MDFIC: variants seen among roughly 807,000 people sequenced by gnomAD.
MDFIC encodes MyoD family inhibitor domain containing, also known as myoD family inhibitor domain-containing protein.
MDFIC carries 17 observed loss-of-function variants against 23.2 expected under a neutral mutation model. The observed-to-expected ratio is 0.73, with a 90% CI of 0.50 to 1.10. The LOEUF (loss-of-function observed/expected upper bound fraction) is 1.10. MDFIC is among the 50% of genes least tolerant of loss of function. The pLI is 0.00. For missense variants in MDFIC, 356 were observed against 316.6 expected (o/e 1.12, Z -0.95); for synonymous variants, 120 against 115.2 (o/e 1.04, Z -0.27).
intron 4 of MDFIC, among the ~76,000 whole-genome samples, chr7:115,013,219 A>G (rs1158232185): frequency 6.6e-6 from 1 of 152,170 alleles, no homozygotes; most frequent in Non-Finnish European, 1.5e-5. Context: ...ACAATAAAAA[A>G]CAAGGGAAAG....
At chr7:114,939,517 A>G (rs1004585478) in intron 2 of MDFIC, among the ~76,000 whole-genome samples, 1 of 152,206 alleles carries the variant, frequency 6.6e-6, no homozygotes, top group Non-Finnish European at 1.5e-5. Flanking sequence ...TTTGCAGATA[A>G]GGAAACTTTC....
chr7:115,000,505 G>A lies in MDFIC; in HGVS notation c.494-15183G>A, dbSNP rs115895529. Among the ~76,000 whole-genome samples, 751 of 152,034 alleles carry A rather than the reference G, an allele frequency of 4.9e-3. 5 individuals are homozygous for A. The highest frequency in any genetic ancestry group is 0.016 in the African/African-American group (653 of 41,474). On this transcript the variant is annotated intron_variant, in intron 4 of 4. Transcript: ENST00000393486. ...CTAAAAATGCCTGCTCTTGTCCCTC[G>A]GAATCCAAGGCATTCTTTATAGTAA... is the stretch of plus-strand genomic sequence containing the variant.
intron 3 of MDFIC, among the ~76,000 whole-genome samples, chr7:114,949,529 ATGT>A (rs1434033229): frequency 2.0e-5 from 3 of 152,234 alleles, no homozygotes; most frequent in Non-Finnish European, 4.4e-5. Context: ...TTTGCAGATC[ATGT>A]TGTTATATTG....
At chr7:114,989,941 T>C (rs1793576691) in intron 4 of MDFIC, among the ~76,000 whole-genome samples, 1 of 152,160 alleles carries the variant, frequency 6.6e-6, no homozygotes, top group Non-Finnish European at 1.5e-5. Context: ...TCTTATATTT[T>C]ATGTTCATAA....
intron 2 of MDFIC, among the ~76,000 whole-genome samples, chr7:114,937,842 C>A (rs1470081234): frequency 6.6e-6 from 1 of 152,090 alleles, no homozygotes; most frequent in Non-Finnish European, 1.5e-5. Flanking sequence ...GTTCAACTAT[C>A]CTTTAATCTA....
intron 4 of MDFIC, among the ~76,000 whole-genome samples, chr7:114,991,518 AT>A (rs1791160504): frequency 6.6e-6 from 1 of 152,114 alleles, no homozygotes; most frequent in Non-Finnish European, 1.5e-5. Context: ...TCTTGAGTTA[AT>A]TTTTGTATAA....
Position 114,962,789 on chromosome 7 carries a change from A to G in MDFIC, c.218-16717A>G, listed in dbSNP as rs553785204. ...AGATACAAATCAGAGTGATAGTGTCATTTCTAAAATCTGAGCAGATTCATA... is the reference window on the plus strand; with the variant it reads ...AGATACAAATCAGAGTGATAGTGTCGTTTCTAAAATCTGAGCAGATTCATA... On this transcript the variant is annotated intron_variant, in intron 3 of 4. Coordinates refer to ENST00000393486, the MANE Select transcript of MDFIC (RefSeq NM_001166345.3). 4.1e-4 allele frequency among the ~76,000 whole-genome samples: 62 copies of G among 152,362 alleles called. No homozygotes were observed. The South Asian group carries it at 0.012, about 29-fold the overall frequency.
chr7:114,956,431 T>C (rs1201520253), intron 3 of MDFIC, among the ~76,000 whole-genome samples: 1 of 151,928 alleles, frequency 6.6e-6, no homozygotes, highest in East Asian at 1.9e-4. Flanking sequence ...AAAAAAGGCA[T>C]TTTTATTCTT....
intron 2 of MDFIC, 117 bp downstream of exon 2, chr7:114,923,244 T>C: frequency 7.4e-7 from 1 of 1,354,668 alleles, no homozygotes; most frequent in Admixed American, 2.0e-5. Flanking sequence ...CCACTCGTAG[T>C]TGAGAACTTT....
At position 114,972,881 on chromosome 7, in the gene MDFIC, G is replaced by A. The variant is rs563644416; in HGVS notation, c.218-6625G>A. ...GATCCTCCGACCTCAGCCTCTCAAA[G>A]TGCTAGGCTCTGCACCTGGCTCAGA... is the stretch of plus-strand genomic sequence containing the variant. On this transcript the variant is annotated intron_variant, in intron 3 of 4. Coordinates refer to ENST00000393486, the MANE Select transcript of MDFIC (RefSeq NM_001166345.3). Among the ~76,000 whole-genome samples the A allele has an allele frequency of 3.9e-5, 6 of 152,210 alleles. No homozygotes were observed. In the South Asian group the frequency reaches 1.2e-3, roughly 32 times the overall value.
At chr7:114,990,203 A>G (rs961844288) in intron 4 of MDFIC, among the ~76,000 whole-genome samples, 3 of 152,156 alleles carry the variant, frequency 2.0e-5, no homozygotes, top group Non-Finnish European at 4.4e-5. Flanking sequence ...TATAATAAAA[A>G]GGAGTTTTGA....
chr7:115,012,237 G>A (rs924700438), intron 4 of MDFIC, among the ~76,000 whole-genome samples: 3 of 152,106 alleles, frequency 2.0e-5, no homozygotes, highest in African/African-American at 7.2e-5. Context: ...GAAAAAGGAG[G>A]CAACCCAATA....
rs1478037175 is a variant in MDFIC, at chr7:114,923,067, C to T, written c.34C>T (p.Pro12Ser). The T allele has an allele frequency of 1.4e-6, 2 of 1,400,410 alleles. No individual in the cohort carries two copies. Among genetic ancestry groups the T allele is most frequent in the South Asian group, 1.5e-5 (1 of 66,538 alleles). 86.7% of individuals were successfully genotyped at this position (1,400,410 alleles called of 1,614,324 possible). ...CGCGGGCGAAGCCCTCGCTCCCGGG[C>T]CCGTGGGGCCGCAGCGCGTGGCCGA... is the stretch of plus-strand genomic sequence containing the variant. ...SGAGEALAPG[P>S]VGPQRVAEAG... Residue 12 changes from proline (P) to serine (S), a missense_variant, in exon 2 of 5, where the codon CCC becomes TCC. By Grantham distance (74) the Pro-to-Ser change is moderately conservative. Transcript: ENST00000393486.
intron 4 of MDFIC, among the ~76,000 whole-genome samples, chr7:115,003,644 T>C (rs928539454): frequency 3.3e-5 from 5 of 152,210 alleles, no homozygotes; most frequent in African/African-American, 1.2e-4. Flanking sequence ...ATGTTTTACC[T>C]GGTTTCTTTA....
intron 4 of MDFIC, among the ~76,000 whole-genome samples, chr7:114,997,578 A>G (rs1468073516): frequency 2.5e-3 from 3 of 1,216 alleles, no homozygotes; most frequent in South Asian, 0.018. Flanking sequence ...CTCTACAGGA[A>G]AAAAAAAAAA....
intron 3 of MDFIC, among the ~76,000 whole-genome samples, chr7:114,950,982 A>G (rs1792757296): frequency 6.6e-6 from 1 of 152,074 alleles, no homozygotes; most frequent in Non-Finnish European, 1.5e-5. Flanking sequence ...GAGAAAAGCC[A>G]GGGCAATATA....
intron 2 of MDFIC, among the ~76,000 whole-genome samples, chr7:114,937,787 A>G (rs548251445): frequency 6.6e-6 from 1 of 152,292 alleles, no homozygotes. Context: ...GAGTAAACAT[A>G]CTAGGATGCT....
At chr7:114,966,775 AG>A (rs1793105417) in intron 3 of MDFIC, among the ~76,000 whole-genome samples, 1 of 152,184 alleles carries the variant, frequency 6.6e-6, no homozygotes, top group Non-Finnish European at 1.5e-5. Flanking sequence ...ACTCTCTGGA[AG>A]ATTTTGATGC....
rs1332546312 is a variant in MDFIC at position 115,016,677 on chromosome 7, T to TAAACAAACAAAC, written c.*745_*746insCAAACAAACAAA. Reference sequence around the variant, plus strand: ...ATAAATAAATAAATAAATAAATAAATAAATAAATAAACAAACCAGTCTTTA... The same window carrying TAAACAAACAAAC: ...ATAAATAAATAAATAAATAAATAAATAAACAAACAAACAAATAAATAAACAAACCAGTCTTTA... On this transcript the variant is annotated 3_prime_UTR_variant, in exon 5 of 5. Coordinates refer to ENST00000393486, the MANE Select transcript of MDFIC (RefSeq NM_001166345.3). 5.2e-5 allele frequency: 8 copies of TAAACAAACAAAC among 155,338 alleles called. No homozygotes were observed. Among genetic ancestry groups the TAAACAAACAAAC allele is most frequent in the African/African-American group, 1.5e-4 (6 of 39,874 alleles). The allele number at this position is 155,338 out of a possible 1,614,324, so 9.6% of individuals were successfully genotyped here.
Sources: gnomAD v4.1 joint callset for allele counts (sites outside exome capture counted in the v4.1 genomes callset) on GRCh38, gnomAD v4.1.1 for gene constraint, MANE v1.5 for transcripts, NCBI Gene and HGNC (gene_info 2026-07-23, HGNC 2026-07-21) for gene names.